MTSS2: variants seen among roughly 807,000 people sequenced by gnomAD.
MTSS2 encodes the protein protein MTSS 2.
MTSS2 carries 27 observed loss-of-function variants against 67.1 expected under a neutral mutation model. The ratio of observed to expected loss-of-function variants is 0.40; its 90% CI spans 0.30 to 0.55. MTSS2 has a LOEUF of 0.55. Ranked by LOEUF, MTSS2 falls within the 20% of genes least tolerant of loss-of-function variation. The probability of loss-of-function intolerance (pLI) is 0.43; values close to 1 mark genes in which losing one functional copy is unlikely to be tolerated. For synonymous variants in MTSS2, 624 were observed against 468.6 expected (o/e 1.33, Z -4.28); for missense variants, 1,171 against 1,067.8 (o/e 1.10, Z -1.35).
chr16:70,665,842 G>A (rs2052695303), intron 11 of MTSS2: 1 of 285,148 alleles, frequency 3.5e-6, no homozygotes, highest in Non-Finnish European at 6.6e-6. Flanking sequence ...AGGGGAAAAA[G>A]AGATACTAAG....
chr16:70,676,104 C>T (rs1037689417), intron 10 of MTSS2, among the ~76,000 whole-genome samples: 1 of 152,254 alleles, frequency 6.6e-6, no homozygotes, highest in Admixed American at 6.5e-5. Flanking sequence ...GGATGTCCAG[C>T]CAGTGATTCT....
chr16:70,680,918 G>GGGGGGGGGGGGGGGGGGGGGGCC, intron 2 of MTSS2, 46 bp downstream of exon 2: 1 of 1,097,926 alleles, frequency 9.1e-7, no homozygotes, highest in Non-Finnish European at 1.3e-6. Context: ...CGGGGGGGGG[G>GGGGGGGGGGGGGGGGGGGGGGCC]CCTCTGCCTG....
At chr16:70,684,011 T>G (rs1467835670) in intron 1 of MTSS2, among the ~76,000 whole-genome samples, 1 of 152,234 alleles carries the variant, frequency 6.6e-6, no homozygotes, top group African/African-American at 2.4e-5. Flanking sequence ...ATGTCTGGCT[T>G]GAACCTCTTG....
intron 7 of MTSS2, among the ~76,000 whole-genome samples, chr16:70,678,620 G>C (rs1456419245): frequency 6.6e-6 from 1 of 152,258 alleles, no homozygotes; most frequent in Admixed American, 6.5e-5. Context: ...ACACACACAA[G>C]AAAGAGGCCA....
In MTSS2 at chr16:70,685,994, G is replaced by A. The variant is rs1037737625; in HGVS notation, c.-203C>T. 6.7e-6 allele frequency: 1 copy of A among 148,770 alleles called. No homozygotes were observed. Among genetic ancestry groups the A allele is most frequent in the African/African-American group, 2.5e-5 (1 of 40,730 alleles). The allele number at this position is 148,770 out of a possible 1,614,324, so 9.2% of individuals were successfully genotyped here. A position where few individuals can be genotyped will look rare whatever the true frequency, so the allele number is the denominator to read the frequency against. On this transcript the variant is annotated 5_prime_UTR_variant, in exon 1 of 15. Transcript: ENST00000338779. ...GCGCGGGCCATGTCGCAGCGGGGCT[G>A]GCGGGCGGCGCGGGGGGCGCGGCGC... is the stretch of plus-strand genomic sequence containing the variant.
Position 70,679,429 on chromosome 16 carries a change from C to T in MTSS2, c.458-106G>A. 5 of 1,403,836 alleles carry T rather than the reference C, an allele frequency of 3.6e-6. No homozygotes were observed. The Admixed American group carries it at 9.0e-5, about 25-fold the overall frequency. 87.0% of individuals were successfully genotyped at this position (1,403,836 alleles called of 1,614,324 possible). A position where few individuals can be genotyped will look rare whatever the true frequency, so the allele number is the denominator to read the frequency against. On this transcript the variant is annotated intron_variant, in intron 6 of 14. Coordinates refer to ENST00000338779, the MANE Select transcript of MTSS2 (RefSeq NM_138383.3). ...TCCTGGGGCGGGGGTGCCTGGGCCTCCTGCTGCCTCCCATAGGGAGGTTCT... is the reference window on the plus strand; with the variant it reads ...TCCTGGGGCGGGGGTGCCTGGGCCTTCTGCTGCCTCCCATAGGGAGGTTCT...
intron 11 of MTSS2, among the ~76,000 whole-genome samples, chr16:70,667,642 A>G (rs1185734357): frequency 6.6e-6 from 1 of 152,104 alleles, no homozygotes; most frequent in Non-Finnish European, 1.5e-5. Flanking sequence ...GGAGGCCAAG[A>G]CGGGAGGATC....
At chr16:70,667,026 A>G (rs1287055511) in intron 11 of MTSS2, among the ~76,000 whole-genome samples, 1 of 152,204 alleles carries the variant, frequency 6.6e-6, no homozygotes, top group Non-Finnish European at 1.5e-5. Flanking sequence ...CTGTAATCCC[A>G]GCACTTTGGG....
At chr16:70,679,201 T>C in intron 7 of MTSS2, 114 bp downstream of exon 7, 1 of 1,396,082 alleles carries the variant, frequency 7.2e-7, no homozygotes, top group Non-Finnish European at 1.0e-6. Context: ...ACCGACCGCC[T>C]TCCTCGCTTC....
Position 70,685,925 on chromosome 16 carries a change from G to A in MTSS2, c.-134C>T, listed in dbSNP as rs2142960460. On this transcript the variant is annotated 5_prime_UTR_variant, in exon 1 of 15. Transcript: ENST00000338779. ...CTCCCGCCTCCAGGCTGCGCTCAGC[G>A]GCCGGCCGCGCCGCGCTCCGGGGTC... 2 of 272,860 alleles carry A rather than the reference G, an allele frequency of 7.3e-6. No individual in the cohort carries two copies. Among genetic ancestry groups the A allele is most frequent in the Non-Finnish European group, 5.5e-6 (1 of 183,462 alleles). 16.9% of individuals were successfully genotyped at this position (272,860 alleles called of 1,614,324 possible).
Position 70,663,449 on chromosome 16 carries a change from C to T in MTSS2, c.*228G>A, listed in dbSNP as rs1048333190. ...GAGGGACCGAAGAGCATAAAACAGA[C>T]CCCGAACCAGGCCCAGGCCTGCAGG... On this transcript the variant is annotated 3_prime_UTR_variant, in exon 15 of 15. Coordinates refer to ENST00000338779, the MANE Select transcript of MTSS2 (RefSeq NM_138383.3). 2.1e-5 allele frequency: 16 copies of T among 758,796 alleles called. No individual in the cohort carries two copies. Among genetic ancestry groups the T allele is most frequent in the Middle Eastern group, 3.9e-4 (1 of 2,546 alleles). The allele number at this position is 758,796 out of a possible 1,614,324, so 47.0% of individuals were successfully genotyped here. A position where few individuals can be genotyped will look rare whatever the true frequency, so the allele number is the denominator to read the frequency against.
In MTSS2 at chr16:70,677,851, T is replaced by C. The variant is rs1183302968; in HGVS notation, c.673A>G (p.Ile225Val). The change falls in exon 9 of 15, where the codon ATC (isoleucine) becomes GTC (valine). Residue 225 changes from isoleucine (I) to valine (V), a missense_variant. Coordinates refer to ENST00000338779, the MANE Select transcript of MTSS2 (RefSeq NM_138383.3). ...LGEITHLQGI[I>V]DDLVVLTAEP... ...GCTGTCAGCACCACCAAGTCGTCGATGATGCCCTGCAGGTGGGTGATCTCT... is the reference window on the plus strand; with the variant it reads ...GCTGTCAGCACCACCAAGTCGTCGACGATGCCCTGCAGGTGGGTGATCTCT... 2.5e-6 allele frequency: 4 copies of C among 1,612,642 alleles called. No homozygotes were observed. Among genetic ancestry groups the C allele is most frequent in the Non-Finnish European group, 3.4e-6 (4 of 1,179,688 alleles).
rs1489078600 is a variant in MTSS2, at chr16:70,680,884, C to T, written c.132-17G>A. 32 of 1,256,646 alleles carry T rather than the reference C, an allele frequency of 2.5e-5. No individual in the cohort carries two copies. Among genetic ancestry groups the T allele is most frequent in the East Asian group, 8.8e-5 (3 of 34,184 alleles). 77.8% of individuals were successfully genotyped at this position (1,256,646 alleles called of 1,614,324 possible). On this transcript the variant is annotated splice_polypyrimidine_tract_variant and intron_variant, in intron 2 of 14. Transcript: ENST00000338779. Reference sequence around the variant, plus strand: ...ACGGTGGTCCTGGGGAGAGGGACAACGGCATGGATGGTCGGTGGTTGGGCG... The same window carrying T: ...ACGGTGGTCCTGGGGAGAGGGACAATGGCATGGATGGTCGGTGGTTGGGCG...
At chr16:70,677,250 T>A (rs950645057) in intron 9 of MTSS2, among the ~76,000 whole-genome samples, 1 of 152,134 alleles carries the variant, frequency 6.6e-6, no homozygotes, top group African/African-American at 2.4e-5. Context: ...GGGGTGCAGG[T>A]TGCTCCTGCG....
rs1383706642 is a variant in MTSS2, at chr16:70,664,540, C to G, written c.1471+58G>C. ...GAGCACAGAGGGGGAAGGACGGGGCCCTCCTGGATGGCTAAGTCCCAGCTG... is the reference window on the plus strand; with the variant it reads ...GAGCACAGAGGGGGAAGGACGGGGCGCTCCTGGATGGCTAAGTCCCAGCTG... On this transcript the variant is annotated intron_variant, in intron 14 of 14. Coordinates refer to ENST00000338779, the MANE Select transcript of MTSS2 (RefSeq NM_138383.3). 24 of 1,588,580 alleles carry G rather than the reference C, an allele frequency of 1.5e-5. No homozygotes were observed. The Admixed American group carries it at 4.1e-4, about 27-fold the overall frequency.
In MTSS2 at chr16:70,664,760, C is replaced by A; in HGVS notation, c.1309G>T (p.Gly437Cys). The A allele has an allele frequency of 6.2e-7, 1 of 1,609,700 alleles. No individual in the cohort carries two copies. The highest frequency in any genetic ancestry group is 8.5e-7 in the Non-Finnish European group (1 of 1,178,364). The change falls in exon 14 of 15, where the codon GGT becomes TGT. Residue 437 changes from glycine to cysteine, a missense_variant. This residue lies in a region of MTSS2 where 924 missense variants were observed against 756.0 expected (regional missense o/e 1.22). Transcript: ENST00000338779. Reference protein sequence around the residue: ...MSPATIAAKHGEEVSPAASDL... With the variant: ...MSPATIAAKHCEEVSPAASDL... ...CTGGCGGCGGGGGACACCTCCTCAC[C>A]GTGCTGAGGGTGGGAAAGTGCAGGC...
intron 10 of MTSS2, among the ~76,000 whole-genome samples, chr16:70,675,701 C>T (rs945510727): frequency 2.0e-5 from 3 of 152,180 alleles, no homozygotes; most frequent in Admixed American, 6.5e-5. Flanking sequence ...CAGGCGTGAA[C>T]GACTGCCCCC....
chr16:70,672,287 C>CG (rs2052962901), intron 11 of MTSS2, among the ~76,000 whole-genome samples: 1 of 140,196 alleles, frequency 7.1e-6, no homozygotes, highest in African/African-American at 2.7e-5. Context: ...GCAGAGGTTG[C>CG]AGTGAGCCGA....
chr16:70,665,218 C>T lies in MTSS2; in HGVS notation c.1129-122G>A. ...TATCAGGGGGTCTCTGGTTCGCAAT[C>T]ACAGCCAAGGGCAGAGCATGGAGTG... On this transcript the variant is annotated intron_variant, in intron 12 of 14. Transcript: ENST00000338779. 3 of 1,189,258 alleles carry T rather than the reference C, an allele frequency of 2.5e-6. No individual in the cohort carries two copies. The South Asian group carries it at 4.7e-5, about 19-fold the overall frequency. 73.7% of individuals were successfully genotyped at this position (1,189,258 alleles called of 1,614,324 possible).
Sources: gnomAD v4.1 joint callset for allele counts (sites outside exome capture counted in the v4.1 genomes callset) on GRCh38, gnomAD v4.1.1 for gene constraint, gnomAD v4.1.1 regional missense constraint, MANE v1.5 for transcripts, NCBI Gene and HGNC (gene_info 2026-07-23, HGNC 2026-07-21) for gene names.